Variants in GALNT6 observed in about 807,000 individuals in gnomAD.
GALNT6 encodes polypeptide N-acetylgalactosaminyltransferase 6, also known as GalNAc transferase 6.
GALNT6 carries 51 observed loss-of-function variants against 65.9 expected under a neutral mutation model. The ratio of observed to expected loss-of-function variants is 0.77; its 90% CI spans 0.62 to 0.98. GALNT6 has a LOEUF of 0.98. Among genes scored for constraint, GALNT6 ranks in the 50% least tolerant of loss-of-function variants. The probability of loss-of-function intolerance (pLI) is 0.00; values close to 1 mark genes in which losing one functional copy is unlikely to be tolerated. For synonymous variants in GALNT6, 323 were observed against 315.1 expected (o/e 1.02, Z -0.26); for missense variants, 708 against 803.3 (o/e 0.88, Z 1.43).
intron 11 of GALNT6, 63 bp downstream of exon 11, chr12:51,355,743 A>G: frequency 2.0e-6 from 3 of 1,518,022 alleles, no homozygotes; most frequent in Non-Finnish European, 2.7e-6. Context: ...CTGGGATTAC[A>G]GGCGTGAGCC....
intron 4 of GALNT6, among the ~76,000 whole-genome samples, chr12:51,371,057 T>A (rs1322503409): frequency 5.2e-3 from 4 of 762 alleles, no homozygotes; most frequent in African/African-American, 6.9e-3. Context: ...TTTAAAAAAT[T>A]ATTATTATTA....
At chr12:51,385,239 T>C (rs1947795741) in intron 2 of GALNT6, among the ~76,000 whole-genome samples, 1 of 152,170 alleles carries the variant, frequency 6.6e-6, no homozygotes, top group South Asian at 2.1e-4. Context: ...TCCTCCTGCC[T>C]TGACCTCCCA....
chr12:51,383,270 G>A (rs1003948880), intron 2 of GALNT6, among the ~76,000 whole-genome samples: 2 of 152,150 alleles, frequency 1.3e-5, no homozygotes, highest in East Asian at 1.9e-4. Flanking sequence ...GAACTGTCCC[G>A]GCTAAGCCCA....
At chr12:51,354,723 A>T (rs566536949) in intron 11 of GALNT6, among the ~76,000 whole-genome samples, 1 of 152,278 alleles carries the variant, frequency 6.6e-6, no homozygotes, top group Admixed American at 6.5e-5. Context: ...TGAAATGGTG[A>T]AAGACAAGAC....
At chr12:51,384,322 C>T (rs776545378) in intron 2 of GALNT6, among the ~76,000 whole-genome samples, 9 of 152,256 alleles carry the variant, frequency 5.9e-5, no homozygotes, top group Non-Finnish European at 1.2e-4. Context: ...TTGTATCAAA[C>T]TGCTGATTAC....
chr12:51,357,523 C>T, intron 9 of GALNT6, 73 bp from the exon 10 acceptor site: 2 of 981,766 alleles, frequency 2.0e-6, no homozygotes, highest in Non-Finnish European at 3.3e-6. Flanking sequence ...GTATGGGGCC[C>T]CACTGGAACA....
intron 4 of GALNT6, among the ~76,000 whole-genome samples, chr12:51,373,903 A>C (rs1476556711): frequency 1.3e-5 from 2 of 152,168 alleles, no homozygotes; most frequent in African/African-American, 2.4e-5. Flanking sequence ...TCTATTGCCT[A>C]GGCTGGAGTA....
rs79151043 is a variant in GALNT6, at chr12:51,356,083, C to A, written c.1603-125G>T. The A allele has an allele frequency of 6.4e-6, 5 of 780,148 alleles. No individual in the cohort carries two copies. The East Asian group carries it at 7.8e-5, about 12-fold the overall frequency. 48.3% of individuals were successfully genotyped at this position (780,148 alleles called of 1,614,324 possible). ...GAGTGAATGTGAGGCCATGCCAAGA[C>A]TTTACTCATTTATGTGCTGCCTTCA... is the stretch of plus-strand genomic sequence containing the variant. On this transcript the variant is annotated intron_variant, in intron 10 of 11. Coordinates refer to ENST00000356317, the MANE Select transcript of GALNT6 (RefSeq NM_007210.4).
rs972876073 is a variant in GALNT6 at position 51,379,203 on chromosome 12, T to A, written c.491+88A>T. 3.0e-6 allele frequency: 4 copies of A among 1,347,142 alleles called. No individual in the cohort carries two copies. The African/African-American group carries it at 5.8e-5, about 20-fold the overall frequency. 83.4% of individuals were successfully genotyped at this position (1,347,142 alleles called of 1,614,324 possible). A position where few individuals can be genotyped will look rare whatever the true frequency, so the allele number is the denominator to read the frequency against. On this transcript the variant is annotated intron_variant, in intron 3 of 11. Transcript: ENST00000356317. The stretch of plus-strand genomic sequence containing the variant: ...TTATAAAATTCCCTTCAACTCTTTC[T>A]CTGGCCCTTGATCTATGGCCCTGGC...
In GALNT6 at chr12:51,379,947, C is replaced by G. The variant is rs529881663; in HGVS notation, c.-103-63G>C. ...CACAGGGTAAGGAGGGAGTCGGGTG[C>G]TTGGGGTTCGAGGCCAGGCTCTGTT... On this transcript the variant is annotated intron_variant, in intron 2 of 11. Coordinates refer to ENST00000356317, the MANE Select transcript of GALNT6 (RefSeq NM_007210.4). 17 of 709,000 alleles carry G rather than the reference C, an allele frequency of 2.4e-5. No individual in the cohort carries two copies. The East Asian group carries it at 4.4e-4, about 18-fold the overall frequency. 43.9% of individuals were successfully genotyped at this position (709,000 alleles called of 1,614,324 possible).
chr12:51,355,412 G>A (rs561341604), intron 11 of GALNT6, among the ~76,000 whole-genome samples: 6 of 152,156 alleles, frequency 3.9e-5, no homozygotes, highest in East Asian at 1.9e-4. Flanking sequence ...ACCCCATGGC[G>A]TCTCAGGAAG....
intron 4 of GALNT6, among the ~76,000 whole-genome samples, chr12:51,374,417 T>G (rs1359286999): frequency 6.6e-6 from 1 of 152,196 alleles, no homozygotes; most frequent in Non-Finnish European, 1.5e-5. Flanking sequence ...CAAGTATCTG[T>G]CTTCCCTGGG....
chr12:51,358,893 T>C (rs1190404025), intron 8 of GALNT6, among the ~76,000 whole-genome samples: 1 of 152,142 alleles, frequency 6.6e-6, no homozygotes, highest in Non-Finnish European at 1.5e-5. Context: ...CAAATCTCCT[T>C]TCCCTCCCTT....
chr12:51,359,635 ATACC>A (rs1338834305), intron 7 of GALNT6: 15 of 264,768 alleles, frequency 5.7e-5, no homozygotes, highest in Non-Finnish European at 1.4e-5. Flanking sequence ...CTGTGCCTGT[ATACC>A]TACTCTGAGC....
At chr12:51,365,699 C>T (rs1452460305) in intron 4 of GALNT6, 120 bp from the exon 5 acceptor site, 10 of 935,660 alleles carry the variant, frequency 1.1e-5, no homozygotes, top group Non-Finnish European at 1.6e-5. Flanking sequence ...CCCCCAACAC[C>T]TGCTGTACTG....
At chr12:51,384,023 C>T (rs912974300) in intron 2 of GALNT6, among the ~76,000 whole-genome samples, 29 of 152,148 alleles carry the variant, frequency 1.9e-4, no homozygotes, top group African/African-American at 6.5e-4. Flanking sequence ...CTTTGGGCTC[C>T]CACACCTGGC....
rs1260224806 is a variant in GALNT6, at chr12:51,351,620, C to G, written c.*2759G>C. The G allele has an allele frequency of 6.6e-6, 1 of 152,276 alleles. No individual in the cohort carries two copies. Among genetic ancestry groups the G allele is most frequent in the Non-Finnish European group, 1.5e-5 (1 of 68,054 alleles). The allele number at this position is 152,276 out of a possible 1,614,324, so 9.4% of individuals were successfully genotyped here. ...GCTCCTTCTAACTCATCCAGCACCT[C>G]TTGGAGCATCTCCAGGCTTGCTATG... On this transcript the variant is annotated 3_prime_UTR_variant, in exon 12 of 12. Transcript: ENST00000356317.
chr12:51,382,735 T>C (rs1397151836), intron 2 of GALNT6, among the ~76,000 whole-genome samples: 1 of 152,216 alleles, frequency 6.6e-6, no homozygotes, highest in Non-Finnish European at 1.5e-5. Context: ...GAGGGTATCT[T>C]GGAAAGGGAC....
chr12:51,351,400 C>CA lies in GALNT6; in HGVS notation c.*2978dup, dbSNP rs1476938189. Reference sequence around the variant, plus strand: ...CCAGCTTCTACACCAGTCACTCCCTCACCCCAATGTCCTCTGGGTTTCTCA... The same window carrying CA: ...CCAGCTTCTACACCAGTCACTCCCTCAACCCCAATGTCCTCTGGGTTTCTCA... On this transcript the variant is annotated 3_prime_UTR_variant, in exon 12 of 12. Coordinates refer to ENST00000356317, the MANE Select transcript of GALNT6 (RefSeq NM_007210.4). 6.6e-6 allele frequency: 1 copy of CA among 152,366 alleles called. No homozygotes were observed. The highest frequency in any genetic ancestry group is 1.9e-4 in the East Asian group (1 of 5,194). 9.4% of individuals were successfully genotyped at this position (152,366 alleles called of 1,614,324 possible).
Sources: allele counts gnomAD v4.1 joint callset (sites outside exome capture counted in the v4.1 genomes callset), GRCh38; gene constraint gnomAD v4.1.1; transcripts MANE v1.5; gene names NCBI Gene and HGNC (gene_info 2026-07-23, HGNC 2026-07-21).